FRMPD4: variants seen among roughly 807,000 people sequenced by gnomAD.
FRMPD4 encodes FERM and PDZ domain containing 4.
FRMPD4 carries 22 observed loss-of-function variants against 94.1 expected under a neutral mutation model. That is an observed-to-expected ratio of 0.23 (90% CI 0.17 to 0.33). The LOEUF is 0.33. Ranked by LOEUF, FRMPD4 falls within the 10% of genes least tolerant of loss-of-function variation. FRMPD4 has a pLI of 1.00. For synonymous variants in FRMPD4, 631 were observed against 548.6 expected (o/e 1.15, Z -2.10); for missense variants, 1,111 against 1,339.9 (o/e 0.83, Z 2.67).
Position 12,721,396 on chromosome X carries a change from C to G in FRMPD4, c.4827C>G (p.Ala1609=), listed in dbSNP as rs1420294618. 1 of 754,642 alleles carries G rather than the reference C, an allele frequency of 1.3e-6. No homozygotes were observed. The highest frequency in any genetic ancestry group is 1.6e-6 in the Non-Finnish European group (1 of 638,188). The allele number at this position is 754,642 out of a possible 1,213,427, so 62.2% of individuals were successfully genotyped here. A position where few individuals can be genotyped will look rare whatever the true frequency, so the allele number is the denominator to read the frequency against. The change falls in exon 17 of 17, where the codon GCC becomes GCG. Residue 1609 remains alanine, a synonymous_variant. Transcript: ENST00000675598. Reference sequence around the variant, plus strand: ...CAATGCCTGATGGGTTCCTTGCAGCCCAAAATGATGCCAATGAGCTGCTCT... The same window carrying G: ...CAATGCCTGATGGGTTCCTTGCAGCGCAAAATGATGCCAATGAGCTGCTCT... ...TYAMPDGFLA[A]QNDANELLCL...
At chrX:12,439,542 A>G (rs1295265325) in intron 1 of FRMPD4, among the ~76,000 whole-genome samples, 1 of 111,848 alleles carries the variant, frequency 8.9e-6, no homozygotes, top group African/African-American at 3.2e-5. Context: ...GGCATGAATC[A>G]TCTCAGCAAG....
intron 3 of FRMPD4, among the ~76,000 whole-genome samples, chrX:12,024,364 C>T (rs988152371): frequency 1.8e-5 from 2 of 111,805 alleles, no homozygotes; most frequent in Non-Finnish European, 3.8e-5. Context: ...AACTGAAGTT[C>T]GGAGAAGTAA....
chrX:12,186,378 TTAAA>T (rs1171619913), intron 1 of FRMPD4, among the ~76,000 whole-genome samples: 4 of 111,883 alleles, frequency 3.6e-5, no homozygotes, highest in Admixed American at 9.5e-5. Flanking sequence ...ATAATTATTA[TTAAA>T]TAAATAATTA....
chrX:12,296,016 G>T (rs1420181530), intron 1 of FRMPD4, among the ~76,000 whole-genome samples: 1 of 110,758 alleles, frequency 9.0e-6, no homozygotes, highest in Admixed American at 9.6e-5. Context: ...TTCTTGGAGT[G>T]GGGGGTGATG....
intron 1 of FRMPD4, among the ~76,000 whole-genome samples, chrX:12,363,877 C>T (rs1399442773): frequency 9.0e-6 from 1 of 110,940 alleles, no homozygotes. Context: ...AGGTGATGGC[C>T]CTAGTGTTAG....
chrX:12,590,361 C>T (rs1363335194), intron 2 of FRMPD4, among the ~76,000 whole-genome samples: 1 of 111,997 alleles, frequency 8.9e-6, no homozygotes, highest in African/African-American at 3.2e-5. Context: ...TGTAGAAAAA[C>T]CCTTCTTATT....
At chrX:12,024,325 G>A (rs1440459014) in intron 3 of FRMPD4, among the ~76,000 whole-genome samples, 1 of 111,769 alleles carries the variant, frequency 8.9e-6, no homozygotes, top group African/African-American at 3.3e-5. Context: ...ACATATTCAG[G>A]CACTTATATA....
At chrX:12,195,241 A>G (rs2056553028) in intron 1 of FRMPD4, among the ~76,000 whole-genome samples, 1 of 111,975 alleles carries the variant, frequency 8.9e-6, no homozygotes, top group Non-Finnish European at 1.9e-5. Flanking sequence ...TACCAATCCA[A>G]ATGGCTGTTG....
At chrX:12,684,656 C>G (rs772371473) in intron 6 of FRMPD4, among the ~76,000 whole-genome samples, 1 of 112,145 alleles carries the variant, frequency 8.9e-6, no homozygotes, top group South Asian at 3.7e-4. Flanking sequence ...ACAAGACTGT[C>G]CCAGCTGAAG....
At position 12,232,306 on chromosome X, in the gene FRMPD4, G is replaced by A. The variant is rs756561122; in HGVS notation, c.41+93294G>A. On this transcript the variant is annotated intron_variant, in intron 1 of 16. Transcript: ENST00000675598. ...TTTAATTGACTCACAGTTCCACAGG[G>A]CTGGGGAGGCCTCAGGAAACTTACA... Among the ~76,000 whole-genome samples, 5 of 111,921 alleles carry A rather than the reference G, an allele frequency of 4.5e-5. No individual in the cohort carries two copies. The East Asian group carries it at 1.1e-3, about 25-fold the overall frequency.
At chrX:12,215,023 G>A (rs945224764) in intron 1 of FRMPD4, among the ~76,000 whole-genome samples, 5 of 110,739 alleles carry the variant, frequency 4.5e-5, no homozygotes, top group Admixed American at 3.9e-4. Context: ...GTATATATGC[G>A]TGTACCTTAT....
At chrX:12,153,036 C>G (rs1271254228) in intron 1 of FRMPD4, among the ~76,000 whole-genome samples, 6 of 108,403 alleles carry the variant, frequency 5.5e-5, no homozygotes, top group African/African-American at 2.0e-4. Context: ...CGGGTTCACG[C>G]CATTCTCCTG....
intron 3 of FRMPD4, among the ~76,000 whole-genome samples, chrX:11,913,176 G>A (rs372663727): frequency 3.6e-5 from 4 of 112,139 alleles, no homozygotes; most frequent in South Asian, 7.6e-4. Flanking sequence ...CACATTCCTG[G>A]CCTCTGACTC....
chrX:12,307,994 G>T (rs1330301851), intron 1 of FRMPD4, among the ~76,000 whole-genome samples: 2 of 111,700 alleles, frequency 1.8e-5, no homozygotes, highest in African/African-American at 6.5e-5. Context: ...TAAAGGGCTG[G>T]GATGATCACA....
At chrX:12,231,050 A>AAAATATATATAT (rs1569199811) in intron 1 of FRMPD4, among the ~76,000 whole-genome samples, 1 of 30,572 alleles carries the variant, frequency 3.3e-5, no homozygotes, top group African/African-American at 1.1e-4. Flanking sequence ...ATATATATAA[A>AAAATATATATAT]ATATATATAT....
chrX:12,441,786 A>G (rs777315457), intron 1 of FRMPD4, among the ~76,000 whole-genome samples: 1 of 112,327 alleles, frequency 8.9e-6, no homozygotes, highest in African/African-American at 3.2e-5. Flanking sequence ...AATGATAATG[A>G]CATGCCTTTT....
At chrX:12,066,842 G>A (rs142109644) in intron 3 of FRMPD4, among the ~76,000 whole-genome samples, 3,656 of 105,546 alleles carry the variant, frequency 0.035, 59 homozygotes, top group Non-Finnish European at 0.049. Context: ...AAAAAAAACA[G>A]AGCAGCAGTC....
intron 1 of FRMPD4, among the ~76,000 whole-genome samples, chrX:12,187,660 A>G (rs1392151064): frequency 9.0e-6 from 1 of 111,123 alleles, no homozygotes; most frequent in Non-Finnish European, 1.9e-5. Flanking sequence ...TACACATAGT[A>G]GGAATATTGT....
chrX:11,967,740 G>T (rs1273070487), intron 3 of FRMPD4, among the ~76,000 whole-genome samples: 2 of 83,608 alleles, frequency 2.4e-5, no homozygotes, highest in Non-Finnish European at 4.8e-5. Flanking sequence ...GCAGATGTGT[G>T]TGTGTGTGTG....
Sources: allele counts gnomAD v4.1 joint callset (sites outside exome capture counted in the v4.1 genomes callset), GRCh38; gene constraint gnomAD v4.1.1; transcripts MANE v1.5; gene names NCBI Gene and HGNC (gene_info 2026-07-23, HGNC 2026-07-21).